The following SRSF11 variants were observed in gnomAD, a reference collection of about 807,000 sequenced individuals.
SRSF11 encodes the protein serine/arginine-rich splicing factor 11.
A neutral mutation model predicts 56.0 loss-of-function variants in SRSF11; 9 were observed. The ratio of observed to expected loss-of-function variants is 0.16; its 90% confidence interval spans 0.10 to 0.28. The LOEUF (loss-of-function observed/expected upper bound fraction) is 0.28. SRSF11 is among the 10% of genes least tolerant of loss of function. The probability of loss-of-function intolerance (pLI) is 1.00; values close to 1 mark genes in which losing one functional copy is unlikely to be tolerated. For missense variants in SRSF11, 421 were observed against 600.7 expected, an observed-to-expected ratio of 0.70 and a Z score of 3.13; for synonymous variants, 222 against 215.3, an observed-to-expected ratio of 1.03 and a Z score of -0.27.
chr1:70,230,450 G>A lies in SRSF11; in HGVS notation c.338-1818G>A. 4.2e-6 allele frequency: 5 copies of A among 1,187,888 alleles called. No homozygotes were observed. In the South Asian group the frequency reaches 4.8e-5, roughly 11 times the overall value. 73.6% of individuals were successfully genotyped at this position (1,187,888 alleles called of 1,614,324 possible). A position where few individuals can be genotyped will look rare whatever the true frequency, so the allele number is the denominator to read the frequency against. On this transcript the variant is annotated intron_variant, in intron 2 of 11. Coordinates refer to ENST00000370949, the MANE Select transcript of SRSF11 (RefSeq NM_001350605.2). ...TGGTAAAACTAAGATAGCTGAATTT[G>A]GAAGGAACTCTTAATAGTAATGGAT...
chr1:70,246,783 TTC>T, intron 8 of SRSF11, 33 bp from the exon 9 acceptor site: 1 of 1,449,278 alleles, frequency 6.9e-7, no homozygotes, highest in Non-Finnish European at 9.6e-7. Context: ...CAGCTGAGTC[TTC>T]TAATGCATTC....
chr1:70,232,718 T>G (rs1429685697), intron 3 of SRSF11, among the ~76,000 whole-genome samples: 1 of 152,204 alleles, frequency 6.6e-6, no homozygotes, highest in East Asian at 1.9e-4. Flanking sequence ...AGTTAAAATT[T>G]CACAAGTGAG....
chr1:70,231,437 A>C, intron 2 of SRSF11: 2 of 1,057,352 alleles, frequency 1.9e-6, no homozygotes, highest in South Asian at 3.0e-5. Flanking sequence ...AGGCTTTAAA[A>C]ACAGATATAT....
chr1:70,231,990 G>A, intron 2 of SRSF11: 3 of 1,526,812 alleles, frequency 2.0e-6, no homozygotes, highest in Non-Finnish European at 2.6e-6. Context: ...TGAAATCTTG[G>A]CAGTGTTAAC....
intron 1 of SRSF11, 147 bp from the exon 2 acceptor site, chr1:70,228,275 G>A (rs993890336): frequency 1.7e-6 from 1 of 584,064 alleles, no homozygotes; most frequent in Non-Finnish European, 3.0e-6. Flanking sequence ...GTATATGATT[G>A]AGAATGTTTT....
At chr1:70,237,303 C>T (rs996733508) in intron 5 of SRSF11, 122 bp from the exon 6 acceptor site, 17 of 1,215,352 alleles carry the variant, frequency 1.4e-5, no homozygotes, top group Non-Finnish European at 2.0e-5. Flanking sequence ...ATCATGGAGT[C>T]CTCCCCTCCC....
At chr1:70,238,302 G>A (rs141321843) in intron 6 of SRSF11, among the ~76,000 whole-genome samples, 168 of 152,248 alleles carry the variant, frequency 1.1e-3, no homozygotes, top group African/African-American at 3.6e-3. Context: ...ATGACACACC[G>A]TGTTCTAACT....
chr1:70,253,044 T>C lies in SRSF11; in HGVS notation c.*2239T>C, dbSNP rs1678149041. ...GATTTAAAAATAAAAGTGGTTTTTG[T>C]TAGAAAAATGTTTTGTCCTTATTTA... On this transcript the variant is annotated 3_prime_UTR_variant, in exon 12 of 12. Transcript: ENST00000370949. The C allele has an allele frequency of 6.6e-6, 1 of 152,240 alleles. No homozygotes were observed. The allele number at this position is 152,240 out of a possible 1,614,324, so 9.4% of individuals were successfully genotyped here. A position where few individuals can be genotyped will look rare whatever the true frequency, so the allele number is the denominator to read the frequency against.
At chr1:70,239,856 A>G (rs1476229217) in intron 7 of SRSF11, among the ~76,000 whole-genome samples, 1 of 152,192 alleles carries the variant, frequency 6.6e-6, no homozygotes, top group African/African-American at 2.4e-5. Flanking sequence ...ACATCTGGTA[A>G]TATCACCTTA....
At chr1:70,238,404 A>T (rs968418417) in intron 6 of SRSF11, among the ~76,000 whole-genome samples, 1 of 152,218 alleles carries the variant, frequency 6.6e-6, no homozygotes, top group African/African-American at 2.4e-5. Flanking sequence ...AATTTATTAT[A>T]ATGACATTCA....
At chr1:70,244,437 G>C (rs560520709) in intron 7 of SRSF11, among the ~76,000 whole-genome samples, 1 of 152,270 alleles carries the variant, frequency 6.6e-6, no homozygotes, top group African/African-American at 2.4e-5. Flanking sequence ...AGTGGGCATA[G>C]AAGGACCTAT....
At chr1:70,250,574 G>A in intron 11 of SRSF11, 34 bp from the exon 12 acceptor site, 2 of 1,609,092 alleles carry the variant, frequency 1.2e-6, no homozygotes, top group South Asian at 1.1e-5. Context: ...TTTTTCTTTG[G>A]AGAAGTTTAC....
chr1:70,251,715 A>C lies in SRSF11; in HGVS notation c.*910A>C, dbSNP rs1401491760. On this transcript the variant is annotated 3_prime_UTR_variant, in exon 12 of 12. Coordinates refer to ENST00000370949, the MANE Select transcript of SRSF11 (RefSeq NM_001350605.2). Reference sequence around the variant, plus strand: ...GGAAAAAAGGGGTAGTGCATTTTAAATTGACCTTCATACGCTTTTAAAATA... The same window carrying C: ...GGAAAAAAGGGGTAGTGCATTTTAACTTGACCTTCATACGCTTTTAAAATA... 1 of 152,610 alleles carries C rather than the reference A, an allele frequency of 6.6e-6. No individual in the cohort carries two copies. Among genetic ancestry groups the C allele is most frequent in the African/African-American group, 2.4e-5 (1 of 41,464 alleles). 9.5% of individuals were successfully genotyped at this position (152,610 alleles called of 1,614,324 possible).
intron 1 of SRSF11, among the ~76,000 whole-genome samples, chr1:70,216,333 T>C (rs1387258563): frequency 6.6e-6 from 1 of 152,166 alleles, no homozygotes; most frequent in African/African-American, 2.4e-5. Flanking sequence ...TTCAGAGTAT[T>C]ATGGGGAACC....
chr1:70,250,563 AT>A (rs748738275), intron 11 of SRSF11, 44 bp from the exon 12 acceptor site: 30 of 1,608,634 alleles, frequency 1.9e-5, no homozygotes, highest in Non-Finnish European at 2.5e-5. Flanking sequence ...TTCAGAAGTT[AT>A]TTTTCTTTGG....
intron 4 of SRSF11, 56 bp downstream of exon 4, chr1:70,234,844 T>C: frequency 7.0e-7 from 1 of 1,419,112 alleles, no homozygotes; most frequent in Admixed American, 2.1e-5. Flanking sequence ...TCTGTTTCAT[T>C]AACTGTTGGT....
chr1:70,237,398 A>C (rs747873308), intron 5 of SRSF11, 27 bp from the exon 6 acceptor site: 3 of 1,607,766 alleles, frequency 1.9e-6, no homozygotes, highest in Admixed American at 1.7e-5. Flanking sequence ...AAAATATTTC[A>C]GATCCCATTT....
chr1:70,210,201 G>A (rs1315282946), intron 1 of SRSF11, among the ~76,000 whole-genome samples: 3 of 151,226 alleles, frequency 2.0e-5, no homozygotes, highest in African/African-American at 4.9e-5. Flanking sequence ...TTCTCACCCA[G>A]GCTGGAGTGC....
intron 1 of SRSF11, among the ~76,000 whole-genome samples, chr1:70,226,364 A>G (rs947277906): frequency 6.6e-6 from 1 of 152,266 alleles, no homozygotes; most frequent in African/African-American, 2.4e-5. Flanking sequence ...CCCTACCATC[A>G]CTTAACAGGT....
Sources: allele counts gnomAD v4.1 joint callset (sites outside exome capture counted in the v4.1 genomes callset), GRCh38; gene constraint gnomAD v4.1.1; transcripts MANE v1.5; gene names NCBI Gene and HGNC (gene_info 2026-07-23, HGNC 2026-07-21).